Variants in NAV3 observed in about 807,000 individuals in gnomAD.
NAV3 encodes the protein pore membrane and/or filament interacting like protein 1.
In NAV3, 87 loss-of-function variants were observed where a neutral mutation model predicts 244.7. The observed-to-expected ratio is 0.36, with a 90% CI of 0.30 to 0.42. The LOEUF (loss-of-function observed/expected upper bound fraction) is 0.42, where lower values mean the gene tolerates loss of function less well. NAV3 is among the 20% of genes least tolerant of loss of function. The probability of loss-of-function intolerance (pLI) is 1.00; values close to 1 mark genes in which losing one functional copy is unlikely to be tolerated. For synonymous variants in NAV3, 1,126 were observed against 1,042.2 expected, an observed-to-expected ratio of 1.08 and a Z score of -1.55; for missense variants, 2,663 against 2,893.3, an observed-to-expected ratio of 0.92 and a Z score of 1.83.
At chr12:77,861,989 C>T (rs1879323133) in intron 1 of NAV3, among the ~76,000 whole-genome samples, 1 of 151,720 alleles carries the variant, frequency 6.6e-6, no homozygotes, top group South Asian at 2.1e-4. Flanking sequence ...TATCGAAAGT[C>T]AAGAAGGTAT....
intron 12 of NAV3, among the ~76,000 whole-genome samples, chr12:78,078,685 G>A (rs1302215997): frequency 2.6e-5 from 4 of 152,040 alleles, no homozygotes; most frequent in East Asian, 3.9e-4. Context: ...GTGAGCCACC[G>A]CGCCCGGCCT....
chr12:77,579,876 T>C (rs914148205), intron 2 of NAV3, among the ~76,000 whole-genome samples: 5 of 152,208 alleles, frequency 3.3e-5, no homozygotes, highest in South Asian at 2.1e-4. Flanking sequence ...ACTCAACTTC[T>C]GTCTTCCTCC....
intron 2 of NAV3, among the ~76,000 whole-genome samples, chr12:77,589,871 C>T (rs774119683): frequency 9.2e-5 from 14 of 152,238 alleles, no homozygotes; most frequent in Non-Finnish European, 5.9e-5. Flanking sequence ...ATTTGGACAC[C>T]ATTTCTGCTC....
At chr12:77,606,339 A>C (rs939299520) in intron 2 of NAV3, among the ~76,000 whole-genome samples, 7 of 152,138 alleles carry the variant, frequency 4.6e-5, no homozygotes, top group African/African-American at 1.7e-4. Flanking sequence ...TATATATAAA[A>C]TAATGGTGTA....
intron 2 of NAV3, among the ~76,000 whole-genome samples, chr12:77,573,509 C>T (rs1176601914): frequency 6.6e-6 from 1 of 152,110 alleles, no homozygotes; most frequent in Non-Finnish European, 1.5e-5. Flanking sequence ...AATTTCTACA[C>T]AAATACTTGT....
intron 2 of NAV3, among the ~76,000 whole-genome samples, chr12:77,614,806 G>A (rs1486488765): frequency 6.6e-6 from 1 of 152,146 alleles, no homozygotes. Context: ...CCAGCGATTG[G>A]TGCATAGTAA....
At chr12:77,625,843 T>C (rs1211862519) in intron 2 of NAV3, among the ~76,000 whole-genome samples, 1 of 152,192 alleles carries the variant, frequency 6.6e-6, no homozygotes, top group Non-Finnish European at 1.5e-5. Context: ...ATGCAACTGT[T>C]ACAGCAAGTG....
intron 23 of NAV3, 85 bp downstream of exon 23, chr12:78,159,371 A>T (rs996847600): frequency 1.6e-6 from 2 of 1,241,322 alleles, no homozygotes; most frequent in Non-Finnish European, 2.3e-6. Context: ...CTCCTTAAAA[A>T]TAATATTCCA....
intron 12 of NAV3, among the ~76,000 whole-genome samples, chr12:78,067,243 T>C (rs1346156510): frequency 6.6e-6 from 1 of 152,136 alleles, no homozygotes; most frequent in Admixed American, 6.6e-5. Context: ...TTCATTAGCT[T>C]ACTGGCTCTC....
rs561308000 is a variant in NAV3, at chr12:77,778,409, G to T, written c.73-161910G>T. 9.9e-5 allele frequency among the ~76,000 whole-genome samples: 15 copies of T among 151,374 alleles called. No homozygotes were observed. In the East Asian group the frequency reaches 2.8e-3, roughly 28 times the overall value. ...AGGTGGATCACGAGGTCAGGAGGTC[G>T]AGACAATCCTGGCTAACACGGTGAA... On this transcript the variant is annotated intron_variant, in intron 2 of 8. Coordinates refer to the NAV3 transcript ENST00000550042.
intron 2 of NAV3, among the ~76,000 whole-genome samples, chr12:77,823,991 T>A (rs1430717059): frequency 6.6e-6 from 1 of 152,002 alleles, no homozygotes; most frequent in East Asian, 1.9e-4. Context: ...TGAGACAGGA[T>A]TACAACAGAT....
chr12:77,978,072 A>G (rs565934107), intron 5 of NAV3, among the ~76,000 whole-genome samples: 1 of 152,312 alleles, frequency 6.6e-6, no homozygotes, highest in East Asian at 1.9e-4. Flanking sequence ...TAACTAAGTC[A>G]GAATCAGTTA....
At chr12:78,200,923 C>A (rs1015716337) in intron 38 of NAV3, among the ~76,000 whole-genome samples, 2 of 151,824 alleles carry the variant, frequency 1.3e-5, no homozygotes, top group Admixed American at 1.3e-4. Flanking sequence ...TTACATGAGC[C>A]TTGACCATTT....
At chr12:77,730,545 G>A (rs754172042) in intron 2 of NAV3, among the ~76,000 whole-genome samples, 10 of 151,800 alleles carry the variant, frequency 6.6e-5, no homozygotes, top group Non-Finnish European at 1.5e-4. Context: ...TCCAATAAAT[G>A]TTTATTGAGC....
At chr12:78,065,098 T>A (rs1884851160) in intron 12 of NAV3, among the ~76,000 whole-genome samples, 1 of 152,038 alleles carries the variant, frequency 6.6e-6, no homozygotes, top group Non-Finnish European at 1.5e-5. Flanking sequence ...AAGATTGCAC[T>A]CATGGTCCTG....
At chr12:77,915,089 C>A (rs189333296) in intron 1 of NAV3, among the ~76,000 whole-genome samples, 20 of 152,090 alleles carry the variant, frequency 1.3e-4, no homozygotes, top group Admixed American at 1.2e-3. Flanking sequence ...TTCCTTCATG[C>A]CTTAGGATCT....
Position 77,768,350 on chromosome 12 carries a change from C to T in NAV3, c.73-171969C>T, listed in dbSNP as rs925213190. Among the ~76,000 whole-genome samples the T allele has an allele frequency of 1.1e-4, 17 of 152,354 alleles. 1 individual carries two copies. The East Asian group carries it at 3.1e-3, about 28-fold the overall frequency. ...TGACCCTTTCTGCCCAGGAGCCTGT[C>T]TGCCTCCTGCCACCATTTACATGTC... On this transcript the variant is annotated intron_variant, in intron 2 of 8. Transcript: ENST00000550042.
At chr12:77,839,777 C>T (rs970398367) in intron 1 of NAV3, among the ~76,000 whole-genome samples, 1 of 152,048 alleles carries the variant, frequency 6.6e-6, no homozygotes, top group South Asian at 2.1e-4. Context: ...ACATTTCAAC[C>T]AGGTCTTGAA....
At chr12:77,647,065 T>C (rs1439612765) in intron 2 of NAV3, among the ~76,000 whole-genome samples, 6 of 130,418 alleles carry the variant, frequency 4.6e-5, no homozygotes, top group Non-Finnish European at 9.5e-5. Context: ...AACATATATA[T>C]ATACACACAC....
Sources: gnomAD v4.1 joint callset for allele counts (sites outside exome capture counted in the v4.1 genomes callset) on GRCh38, gnomAD v4.1.1 for gene constraint, MANE v1.5 for transcripts, NCBI Gene and HGNC (gene_info 2026-07-23, HGNC 2026-07-21) for gene names.